The following ACOXL variants were observed in gnomAD, a reference collection of about 807,000 sequenced individuals.
ACOXL encodes acyl-coenzyme A oxidase-like protein.
A neutral mutation model predicts 71.9 loss-of-function variants in ACOXL; 70 were observed. The observed-to-expected ratio is 0.97, with a 90% CI of 0.80 to 1.19. The LOEUF is 1.19. Among genes scored for constraint, ACOXL ranks in the 50% most tolerant of loss-of-function variants. The pLI is 0.00. For synonymous variants in ACOXL, 253 were observed against 281.6 expected (o/e 0.90, Z 1.02); for missense variants, 703 against 736.3 (o/e 0.95, Z 0.52).
chr2:111,044,927 C>T lies in ACOXL; in HGVS notation c.1370-4291C>T, dbSNP rs373403261. Among the ~76,000 whole-genome samples the T allele has an allele frequency of 2.6e-5, 4 of 152,258 alleles. No individual in the cohort carries two copies. The East Asian group carries it at 5.8e-4, about 22-fold the overall frequency. Reference sequence around the variant, plus strand: ...TGTTTATTTCCCTATGCTTCCTCTCCTTGATCCCCAACCTCAAAGCCACTT... The same window carrying T: ...TGTTTATTTCCCTATGCTTCCTCTCTTTGATCCCCAACCTCAAAGCCACTT... On this transcript the variant is annotated intron_variant, in intron 15 of 17. Transcript: ENST00000439055.
intron 3 of ACOXL, among the ~76,000 whole-genome samples, chr2:110,787,178 T>C (rs938314565): frequency 1.3e-5 from 2 of 152,114 alleles, no homozygotes; most frequent in African/African-American, 4.8e-5. Flanking sequence ...AAAATTTTTT[T>C]CTGAAAACTC....
At chr2:111,079,395 A>G (rs181845872) in intron 16 of ACOXL, among the ~76,000 whole-genome samples, 3 of 152,268 alleles carry the variant, frequency 2.0e-5, no homozygotes, top group Admixed American at 2.0e-4. Flanking sequence ...TTGTATGCTA[A>G]TTAGCATGAA....
chr2:111,045,019 A>T (rs868023851), intron 15 of ACOXL, among the ~76,000 whole-genome samples: 35 of 152,250 alleles, frequency 2.3e-4, no homozygotes, highest in African/African-American at 7.9e-4. Context: ...AACCAAGGAG[A>T]ACTTAACTCT....
chr2:110,948,157 T>C (rs898388843), intron 12 of ACOXL, among the ~76,000 whole-genome samples: 2 of 152,182 alleles, frequency 1.3e-5, no homozygotes, highest in Middle Eastern at 3.4e-3. Flanking sequence ...CGCAGTGAAG[T>C]CTCGAAAAAG....
At chr2:110,741,106 T>A (rs1373650851) in intron 1 of ACOXL, among the ~76,000 whole-genome samples, 1 of 152,052 alleles carries the variant, frequency 6.6e-6, no homozygotes, top group African/African-American at 2.4e-5. Flanking sequence ...TGGCTTGGAG[T>A]GGCAAAGCCA....
At chr2:110,771,711 T>C (rs1681961167) in intron 2 of ACOXL, among the ~76,000 whole-genome samples, 1 of 152,206 alleles carries the variant, frequency 6.6e-6, no homozygotes, top group Non-Finnish European at 1.5e-5. Flanking sequence ...GTGAACACCA[T>C]CATTGTTCTC....
chr2:111,013,112 A>G (rs1221088543), intron 14 of ACOXL, among the ~76,000 whole-genome samples: 2 of 152,264 alleles, frequency 1.3e-5, no homozygotes, highest in South Asian at 2.1e-4. Context: ...TTATAATGTC[A>G]TACCACATAC....
intron 12 of ACOXL, among the ~76,000 whole-genome samples, chr2:110,952,817 T>G (rs1016658489): frequency 1.3e-5 from 2 of 152,214 alleles, no homozygotes; most frequent in African/African-American, 2.4e-5. Flanking sequence ...AATTTGAATG[T>G]TATCTTCTCC....
intron 1 of ACOXL, among the ~76,000 whole-genome samples, chr2:110,758,043 T>C (rs1303053142): frequency 6.6e-6 from 1 of 152,236 alleles, no homozygotes; most frequent in Non-Finnish European, 1.5e-5. Context: ...TTTAAGTCTT[T>C]AATCCAACTT....
At chr2:111,022,987 C>A (rs1292554333) in intron 14 of ACOXL, among the ~76,000 whole-genome samples, 1 of 152,186 alleles carries the variant, frequency 6.6e-6, no homozygotes, top group Admixed American at 6.5e-5. Flanking sequence ...AGTGGGGAAG[C>A]AATCATAGTG....
chr2:110,750,319 T>C (rs1049491916), intron 1 of ACOXL, among the ~76,000 whole-genome samples: 1 of 152,192 alleles, frequency 6.6e-6, no homozygotes, highest in African/African-American at 2.4e-5. Context: ...GTTTATTTTA[T>C]ATTTTGGGTT....
At chr2:111,091,980 T>TC (rs2068550111) in intron 16 of ACOXL, among the ~76,000 whole-genome samples, 1 of 152,212 alleles carries the variant, frequency 6.6e-6, no homozygotes, top group Non-Finnish European at 1.5e-5. Flanking sequence ...GAAGATCATT[T>TC]CTATTTGACT....
intron 15 of ACOXL, among the ~76,000 whole-genome samples, chr2:111,039,247 T>C (rs983600640): frequency 1.4e-4 from 21 of 152,238 alleles, no homozygotes; most frequent in African/African-American, 5.1e-4. Flanking sequence ...TTTTAACCTA[T>C]CAGAGATCAC....
At chr2:110,733,335 T>G (rs1277154084) in intron 1 of ACOXL, among the ~76,000 whole-genome samples, 1 of 152,098 alleles carries the variant, frequency 6.6e-6, no homozygotes, top group Non-Finnish European at 1.5e-5. Flanking sequence ...ACTCAGGTCC[T>G]CGATGTCATC....
intron 1 of ACOXL, among the ~76,000 whole-genome samples, chr2:110,749,220 G>A (rs1014633985): frequency 1.5e-4 from 23 of 152,124 alleles, no homozygotes; most frequent in African/African-American, 5.3e-4. Flanking sequence ...TTTTAAAAAT[G>A]TTTCAGCTTT....
At chr2:111,041,581 G>C (rs1417162317) in intron 15 of ACOXL, among the ~76,000 whole-genome samples, 1 of 135,350 alleles carries the variant, frequency 7.4e-6, no homozygotes, top group East Asian at 2.1e-4. Flanking sequence ...TGGTGACAGT[G>C]GCTGCCGCCT....
At chr2:110,773,408 G>A (rs1682221764) in intron 2 of ACOXL, among the ~76,000 whole-genome samples, 1 of 152,196 alleles carries the variant, frequency 6.6e-6, no homozygotes, top group African/African-American at 2.4e-5. Flanking sequence ...CCCTGAGTGT[G>A]TTGTGCAAAA....
chr2:111,095,306 A>T (rs1465608068), intron 17 of ACOXL, among the ~76,000 whole-genome samples: 1 of 151,674 alleles, frequency 6.6e-6, no homozygotes, highest in African/African-American at 2.4e-5. Context: ...GATAAACAAT[A>T]TGCAATATAT....
At chr2:110,754,153 G>C (rs1679370083) in intron 1 of ACOXL, among the ~76,000 whole-genome samples, 2 of 149,176 alleles carry the variant, frequency 1.3e-5, no homozygotes, top group African/African-American at 5.0e-5. Flanking sequence ...GCTCACTACA[G>C]CCTCAACATC....
Sources: allele counts gnomAD v4.1 joint callset (sites outside exome capture counted in the v4.1 genomes callset), GRCh38; gene constraint gnomAD v4.1.1; transcripts MANE v1.5; gene names NCBI Gene and HGNC (gene_info 2026-07-23, HGNC 2026-07-21).